Variants in RAB27A observed in about 807,000 individuals in gnomAD.
RAB27A encodes ras-related protein Rab-27A.
In RAB27A, 17 loss-of-function variants were observed where a neutral mutation model predicts 20.8. The ratio of observed to expected loss-of-function variants is 0.82; its 90% CI spans 0.56 to 1.23. RAB27A has a LOEUF of 1.23. Among genes scored for constraint, RAB27A ranks in the 50% most tolerant of loss-of-function variants. The pLI is 0.00. For missense variants in RAB27A, 277 were observed against 266.7 expected (o/e 1.04, Z -0.27); for synonymous variants, 85 against 92.8 (o/e 0.92, Z 0.48).
intron 1 of RAB27A, among the ~76,000 whole-genome samples, chr15:55,318,147 G>C (rs1240026794): frequency 6.7e-6 from 1 of 149,422 alleles, no homozygotes; most frequent in Non-Finnish European, 1.5e-5. Context: ...GCCCAGGCTG[G>C]AGTGCAATGG....
chr15:55,307,089 A>C (rs1394677322), intron 2 of RAB27A, among the ~76,000 whole-genome samples: 1 of 152,064 alleles, frequency 6.6e-6, no homozygotes, highest in African/African-American at 2.4e-5. Flanking sequence ...ATGACTGGGT[A>C]GGGTCCTCCC....
chr15:55,309,825 T>G (rs2414406), intron 2 of RAB27A, among the ~76,000 whole-genome samples: 74,384 of 151,814 alleles, frequency 0.49, 21,540 homozygotes, highest in African/African-American at 0.79. Flanking sequence ...CCTAAAATTG[T>G]AGTATTGCAG....
rs1459664036 is a variant in RAB27A at position 55,304,878 on chromosome 15, T to G, written c.-112+9161A>C. Among the ~76,000 whole-genome samples the G allele has an allele frequency of 3.9e-5, 6 of 152,294 alleles. No individual in the cohort carries two copies. In the East Asian group the frequency reaches 5.8e-4, roughly 15 times the overall value. On this transcript the variant is annotated intron_variant, in intron 2 of 5. Transcript: ENST00000563262. Reference sequence around the variant, plus strand: ...TGTGTGTGTATTTTGTTTGGTTTTGTTTTTGCAGTTGCAAGATTTCATAGA... The same window carrying G: ...TGTGTGTGTATTTTGTTTGGTTTTGGTTTTGCAGTTGCAAGATTTCATAGA...
At chr15:55,219,565 C>T (rs1005445617) in intron 6 of RAB27A, among the ~76,000 whole-genome samples, 1 of 152,150 alleles carries the variant, frequency 6.6e-6, no homozygotes, top group Non-Finnish European at 1.5e-5. Context: ...TCAGAAACTG[C>T]GGGACCCAGT....
intron 1 of RAB27A, among the ~76,000 whole-genome samples, chr15:55,315,186 G>A (rs1045640293): frequency 1.3e-5 from 2 of 152,178 alleles, no homozygotes; most frequent in East Asian, 1.9e-4. Context: ...AATAAATGGT[G>A]CTGGGAAAAC....
chr15:55,285,987 A>T (rs1308052867), intron 1 of RAB27A, among the ~76,000 whole-genome samples: 1 of 152,178 alleles, frequency 6.6e-6, no homozygotes, highest in African/African-American at 2.4e-5. Flanking sequence ...GGAAGATAAG[A>T]CTATTATTTT....
At chr15:55,300,737 G>A (rs2054968364) in intron 2 of RAB27A, among the ~76,000 whole-genome samples, 1 of 152,098 alleles carries the variant, frequency 6.6e-6, no homozygotes, top group African/African-American at 2.4e-5. Context: ...ATAAAGGCAG[G>A]GGGCGAGGGC....
At chr15:55,209,515 C>T (rs1595666993) in intron 6 of RAB27A, among the ~76,000 whole-genome samples, 1 of 151,868 alleles carries the variant, frequency 6.6e-6, no homozygotes, top group Admixed American at 6.6e-5. Context: ...ATATATAAAC[C>T]ATATTTTATT....
At chr15:55,215,644 T>C (rs1299476283) in intron 6 of RAB27A, among the ~76,000 whole-genome samples, 1 of 69,472 alleles carries the variant, frequency 1.4e-5, no homozygotes, top group Admixed American at 1.5e-4. Context: ...AGAGCGAGAC[T>C]CCGTCTCAAA....
chr15:55,262,271 G>A (rs971253006), intron 2 of RAB27A, among the ~76,000 whole-genome samples: 7 of 152,180 alleles, frequency 4.6e-5, no homozygotes, highest in Middle Eastern at 6.8e-3. Flanking sequence ...GCCAGGCGCG[G>A]TGGCTCATGC....
intron 2 of RAB27A, among the ~76,000 whole-genome samples, chr15:55,312,755 G>A (rs1314714091): frequency 6.6e-6 from 1 of 152,184 alleles, no homozygotes; most frequent in Non-Finnish European, 1.5e-5. Context: ...TGATGTGTTA[G>A]GATTATTCCT....
intron 2 of RAB27A, among the ~76,000 whole-genome samples, chr15:55,244,517 A>G (rs529065006): frequency 6.6e-5 from 10 of 152,200 alleles, no homozygotes; most frequent in East Asian, 1.9e-4. Context: ...ACGTCTCCCT[A>G]TGTTGCCCAG....
intron 2 of RAB27A, among the ~76,000 whole-genome samples, chr15:55,243,258 T>G (rs1295795777): frequency 6.6e-6 from 1 of 152,198 alleles, no homozygotes; most frequent in Non-Finnish European, 1.5e-5. Flanking sequence ...TTCTTTCCTA[T>G]GGTTTCAAAA....
chr15:55,208,135 G>A (rs570672220), intron 6 of RAB27A, among the ~76,000 whole-genome samples: 15 of 152,206 alleles, frequency 9.9e-5, no homozygotes, highest in African/African-American at 3.1e-4. Context: ...ATCAATAAGC[G>A]CATGAATAGT....
chr15:55,302,255 G>C (rs1452942353), intron 2 of RAB27A, among the ~76,000 whole-genome samples: 1 of 151,850 alleles, frequency 6.6e-6, no homozygotes, highest in Non-Finnish European at 1.5e-5. Flanking sequence ...GACTGGTTTT[G>C]GTGGAGACGG....
intron 2 of RAB27A, among the ~76,000 whole-genome samples, chr15:55,306,148 T>G (rs1376958442): frequency 2.0e-5 from 3 of 152,228 alleles, no homozygotes; most frequent in African/African-American, 7.2e-5. Flanking sequence ...TGGGAGTTGG[T>G]TGTGTCTATC....
At chr15:55,262,250 A>G (rs1897294331) in intron 2 of RAB27A, among the ~76,000 whole-genome samples, 1 of 152,078 alleles carries the variant, frequency 6.6e-6, no homozygotes, top group South Asian at 2.1e-4. Context: ...TAGTCTAATT[A>G]TAAAAAGTCG....
At chr15:55,314,986 G>A (rs541547198) in intron 1 of RAB27A, among the ~76,000 whole-genome samples, 23 of 152,276 alleles carry the variant, frequency 1.5e-4, no homozygotes, top group Admixed American at 1.0e-3. Flanking sequence ...CAAAGCTGGA[G>A]GCATCAAGCT....
intron 2 of RAB27A, among the ~76,000 whole-genome samples, chr15:55,306,301 T>G (rs2054996683): frequency 6.6e-6 from 1 of 152,112 alleles, no homozygotes; most frequent in South Asian, 2.1e-4. Flanking sequence ...TGTATGGCCT[T>G]AAGTGCAGAG....
Sources: allele counts gnomAD v4.1 joint callset (sites outside exome capture counted in the v4.1 genomes callset), GRCh38; gene constraint gnomAD v4.1.1; transcripts MANE v1.5; gene names NCBI Gene and HGNC (gene_info 2026-07-23, HGNC 2026-07-21).